SH3TC2: variants seen among roughly 807,000 people sequenced by gnomAD.
SH3TC2 encodes the protein SH3 domain and tetratricopeptide repeats 2.
Under a neutral mutation model 124.5 loss-of-function variants are expected in SH3TC2, and 87 were observed. That is an observed-to-expected ratio of 0.70 (90% confidence interval 0.59 to 0.84). The LOEUF (loss-of-function observed/expected upper bound fraction) is 0.84, where lower values mean the gene tolerates loss of function less well. SH3TC2 is among the 40% of genes least tolerant of loss of function. The pLI is 0.00. For missense variants in SH3TC2, 1,536 were observed against 1,566.4 expected, an observed-to-expected ratio of 0.98 and a Z score of 0.33; for synonymous variants, 634 against 628.5, an observed-to-expected ratio of 1.01 and a Z score of -0.13.
chr5:148,998,359 C>A lies in SH3TC2; in HGVS notation c.*6352G>T, dbSNP rs954644859. Among the ~76,000 whole-genome samples the A allele has an allele frequency of 6.6e-6, 1 of 152,172 alleles. No individual in the cohort carries two copies. The highest frequency in any genetic ancestry group is 2.4e-5 in the African/African-American group (1 of 41,422). On this transcript the variant is annotated 3_prime_UTR_variant, in exon 17 of 17. Transcript: ENST00000515425. ...TACACTATTTAGGAAGACATCACTGCCCCCTACTGGAACTCTTGGATTTCT... is the reference window on the plus strand; with the variant it reads ...TACACTATTTAGGAAGACATCACTGACCCCTACTGGAACTCTTGGATTTCT...
rs1198125244 is a variant in SH3TC2, at chr5:149,040,599, C to A, written c.805+5G>T. On this transcript the variant is annotated splice_donor_5th_base_variant and intron_variant, in intron 7 of 16. Transcript: ENST00000515425. The stretch of plus-strand genomic sequence containing the variant: ...AACAATACTATGTTTTTGACTCAGC[C>A]ATACCAATCTGATAGGAGCCTGTCC... The A allele has an allele frequency of 6.2e-7, 1 of 1,613,152 alleles. No homozygotes were observed. Among genetic ancestry groups the A allele is most frequent in the Non-Finnish European group, 8.5e-7 (1 of 1,179,104 alleles).
chr5:149,053,401 G>A (rs929339270), intron 1 of SH3TC2, among the ~76,000 whole-genome samples: 1 of 152,204 alleles, frequency 6.6e-6, no homozygotes, highest in Non-Finnish European at 1.5e-5. Context: ...ACTGTTTTGG[G>A]TGATGTACAT....
rs1753602979 is a variant in SH3TC2, at chr5:149,001,825, G to A, written c.*2886C>T. The A allele has an allele frequency of 6.6e-6, 1 of 152,144 alleles. No individual in the cohort carries two copies. The highest frequency in any genetic ancestry group is 2.1e-4 in the South Asian group (1 of 4,826). The allele number at this position is 152,144 out of a possible 1,614,324, so 9.4% of individuals were successfully genotyped here. ...GGAAATTTTAGCTAAAATTTCCAAG[G>A]AGATGTAACATGGATAGAAACAACG... On this transcript the variant is annotated 3_prime_UTR_variant, in exon 17 of 17. Transcript: ENST00000515425.
rs962275514 is a variant in SH3TC2, at chr5:148,996,193, G to A, written c.*8518C>T. 6.6e-6 allele frequency among the ~76,000 whole-genome samples: 1 copy of A among 152,162 alleles called. No individual in the cohort carries two copies. Among genetic ancestry groups the A allele is most frequent in the Non-Finnish European group, 1.5e-5 (1 of 68,016 alleles). On this transcript the variant is annotated 3_prime_UTR_variant, in exon 17 of 17. Coordinates refer to ENST00000515425, the MANE Select transcript of SH3TC2 (RefSeq NM_024577.4). ...CCCAAGCACCTGAGTCTAGAAGGTCGAGGTAGCAGTGAACCATGGCCACCC... is the reference window on the plus strand; with the variant it reads ...CCCAAGCACCTGAGTCTAGAAGGTCAAGGTAGCAGTGAACCATGGCCACCC...
Position 148,995,616 on chromosome 5 carries a change from T to C in SH3TC2, c.*9095A>G, listed in dbSNP as rs1401289861. 2.6e-5 allele frequency among the ~76,000 whole-genome samples: 4 copies of C among 152,192 alleles called. No homozygotes were observed. The highest frequency in any genetic ancestry group is 4.1e-4 in the South Asian group (2 of 4,828). On this transcript the variant is annotated 3_prime_UTR_variant, in exon 17 of 17. Coordinates refer to ENST00000515425, the MANE Select transcript of SH3TC2 (RefSeq NM_024577.4). ...ATCACTCATGAGCAATAAGTAGTTA[T>C]ATTATAGTTTTAAAACTTTCTCCCT...
chr5:149,006,058 A>G (rs899921005), intron 16 of SH3TC2: 1 of 152,544 alleles, frequency 6.6e-6, no homozygotes, highest in Non-Finnish European at 1.5e-5. Context: ...TGAGTCCAGC[A>G]GTTCGAGACA....
chr5:149,049,030 A>G (rs934467597), intron 2 of SH3TC2, among the ~76,000 whole-genome samples: 8 of 152,166 alleles, frequency 5.3e-5, no homozygotes, highest in Middle Eastern at 3.2e-3. Context: ...CACATTAGAG[A>G]TGACCCCTAT....
rs1051529778 is a variant in SH3TC2 at position 148,993,287 on chromosome 5, T to C, written c.*11424A>G. The stretch of plus-strand genomic sequence containing the variant: ...TGACTTAGTAGAAATAAAACTACGA[T>C]GGAAAATTCAGTGGCAGAAGCTAAA... On this transcript the variant is annotated 3_prime_UTR_variant, in exon 17 of 17. Transcript: ENST00000515425. Among the ~76,000 whole-genome samples the C allele has an allele frequency of 1.3e-5, 2 of 152,184 alleles. No individual in the cohort carries two copies. The highest frequency in any genetic ancestry group is 4.8e-5 in the African/African-American group (2 of 41,446).
intron 7 of SH3TC2, 105 bp downstream of exon 7, chr5:149,040,499 G>A (rs149014805): frequency 2.9e-6 from 3 of 1,048,834 alleles, no homozygotes; most frequent in Non-Finnish European, 4.5e-6. Context: ...TCCTAGCAGA[G>A]ACGAGACAAA....
At chr5:149,020,305 C>A (rs2127395175) in intron 12 of SH3TC2, among the ~76,000 whole-genome samples, 1 of 151,914 alleles carries the variant, frequency 6.6e-6, no homozygotes, top group South Asian at 2.1e-4. Context: ...CCAGGGTAAC[C>A]ATTAAGAAAA....
Position 149,027,216 on chromosome 5 carries a change from T to C in SH3TC2, c.2516A>G (p.Tyr839Cys), listed in dbSNP as rs202139757. The C allele has an allele frequency of 2.7e-5, 44 of 1,614,224 alleles. No homozygotes were observed. The highest frequency in any genetic ancestry group is 3.6e-5 in the Non-Finnish European group (43 of 1,180,044). The stretch of plus-strand genomic sequence containing the variant: ...TTGGAGTGCAAGTCCCAGGAGGTTA[T>C]AGATGACTCCCCTTTGAGTGAGACT... ...TESLTQRGVI[Y>C]NLLGLALQGE... Residue 839 changes from tyrosine (Y) to cysteine (C), a missense_variant, in exon 11 of 17, where the codon TAT becomes TGT. Around this residue, in one of 3 missense-constraint regions of SH3TC2, gnomAD observed 1,102 missense variants for 1,098.6 expected, o/e 1.00. Transcript: ENST00000515425.
chr5:149,042,098 G>A (rs1754380519), intron 5 of SH3TC2, among the ~76,000 whole-genome samples: 1 of 151,780 alleles, frequency 6.6e-6, no homozygotes, highest in Non-Finnish European at 1.5e-5. Flanking sequence ...AGTCCTTTTT[G>A]CAAAAATATC....
At chr5:149,019,825 CA>C (rs1753938014) in intron 12 of SH3TC2, among the ~76,000 whole-genome samples, 1 of 152,136 alleles carries the variant, frequency 6.6e-6, no homozygotes, top group Non-Finnish European at 1.5e-5. Context: ...AACAGCCTCA[CA>C]ATAATGGTAG....
intron 1 of SH3TC2, 67 bp downstream of exon 1, chr5:149,062,903 TC>T: frequency 6.9e-7 from 1 of 1,453,764 alleles, no homozygotes. Flanking sequence ...ACCCAGCAGG[TC>T]CCTGAGCCTC....
At chr5:149,020,701 A>T (rs1753954351) in intron 12 of SH3TC2, among the ~76,000 whole-genome samples, 1 of 152,194 alleles carries the variant, frequency 6.6e-6, no homozygotes, top group Admixed American at 6.5e-5. Context: ...AATTGTCATT[A>T]AAGACAATGA....
At chr5:149,047,627 G>T in intron 3 of SH3TC2, 1 of 520,136 alleles carries the variant, frequency 1.9e-6, no homozygotes, top group Admixed American at 2.9e-5. Context: ...TAGAATATTT[G>T]AAACCAAATT....
rs143637166 is a variant in SH3TC2, at chr5:149,013,805, T to G, written c.3054-1071A>C. On this transcript the variant is annotated intron_variant, in intron 12 of 16. Coordinates refer to ENST00000515425, the MANE Select transcript of SH3TC2 (RefSeq NM_024577.4). ...GGAACACTGTGCATCATCTAGATAG[T>G]AGTTCTCAGTCCTGGCAACAACTAG... Among the ~76,000 whole-genome samples the G allele has an allele frequency of 4.9e-3, 740 of 152,328 alleles. 6 individuals are homozygous for G. Among genetic ancestry groups the G allele is most frequent in the African/African-American group, 0.016 (675 of 41,584 alleles).
At chr5:149,025,583 T>C (rs775158186) in intron 12 of SH3TC2, among the ~76,000 whole-genome samples, 10 of 152,236 alleles carry the variant, frequency 6.6e-5, no homozygotes, top group Non-Finnish European at 1.2e-4. Context: ...TTGAAGATCT[T>C]GCAAACCACA....
rs1481392506 is a variant in SH3TC2 at position 149,000,862 on chromosome 5, T to C, written c.*3849A>G. On this transcript the variant is annotated 3_prime_UTR_variant, in exon 17 of 17. Transcript: ENST00000515425. Reference sequence around the variant, plus strand: ...ATAATATAATTGAGCTATAAAAATATATTATTTCATCTCTCCAATACTATT... The same window carrying C: ...ATAATATAATTGAGCTATAAAAATACATTATTTCATCTCTCCAATACTATT... Among the ~76,000 whole-genome samples the C allele has an allele frequency of 6.6e-6, 1 of 152,236 alleles. No homozygotes were observed. Among genetic ancestry groups the C allele is most frequent in the Non-Finnish European group, 1.5e-5 (1 of 68,048 alleles).
Sources: allele counts gnomAD v4.1 joint callset (sites outside exome capture counted in the v4.1 genomes callset), GRCh38; gene constraint gnomAD v4.1.1; regional missense constraint gnomAD v4.1.1; transcripts MANE v1.5; gene names NCBI Gene and HGNC (gene_info 2026-07-23, HGNC 2026-07-21).